The following NCOA7 variants were observed in gnomAD, a reference collection of about 807,000 sequenced individuals.
The protein encoded by NCOA7 is 140 kDa estrogen receptor-associated protein.
In NCOA7, 45 loss-of-function variants were observed where a neutral mutation model predicts 104.3. That is an observed-to-expected ratio of 0.43 (90% CI 0.34 to 0.55). The LOEUF (loss-of-function observed/expected upper bound fraction) is 0.55. Ranked by LOEUF, NCOA7 falls within the 20% of genes least tolerant of loss-of-function variation. The pLI, the probability that NCOA7 is intolerant of heterozygous loss-of-function variation, is 0.02. For missense variants in NCOA7, 1,041 were observed against 1,119.7 expected (o/e 0.93, Z 1.00); for synonymous variants, 398 against 402.3 (o/e 0.99, Z 0.13).
rs565896617 is a variant in NCOA7 at position 125,861,667 on chromosome 6, G to T, written c.271+6427G>T. Among the ~76,000 whole-genome samples, 16 of 152,246 alleles carry T rather than the reference G, an allele frequency of 1.1e-4. No homozygotes were observed. The East Asian group carries it at 2.9e-3, about 28-fold the overall frequency. On this transcript the variant is annotated intron_variant, in intron 3 of 15. Transcript: ENST00000392477. ...TCAAAGAAGTCAAATTAGTGTTTTC[G>T]TGACATACCTGGGTGGTGAGAGGAC...
intron 1 of NCOA7, among the ~76,000 whole-genome samples, chr6:125,799,843 C>T (rs928593778): frequency 3.9e-5 from 6 of 152,286 alleles, no homozygotes; most frequent in Middle Eastern, 3.4e-3. Context: ...ACAGGAAAAT[C>T]GGATGTTGTT....
intron 1 of NCOA7, among the ~76,000 whole-genome samples, chr6:125,810,792 G>A (rs73584350): frequency 0.095 from 14,373 of 152,078 alleles, 2,155 homozygotes; most frequent in African/African-American, 0.32. Flanking sequence ...ATCATGTTTA[G>A]GGAATACAAA....
At chr6:125,819,038 A>G (rs771130261) in intron 2 of NCOA7, among the ~76,000 whole-genome samples, 1 of 152,184 alleles carries the variant, frequency 6.6e-6, no homozygotes, top group Non-Finnish European at 1.5e-5. Context: ...GCCTGCTGCC[A>G]CAATTACATA....
chr6:125,902,030 C>A (rs1470710075), intron 10 of NCOA7, among the ~76,000 whole-genome samples: 1 of 152,112 alleles, frequency 6.6e-6, no homozygotes, highest in Admixed American at 6.6e-5. Context: ...CTCTGCTGAG[C>A]CACTCTGCTT....
At chr6:125,900,118 GCTC>G (rs1785371411) in intron 10 of NCOA7, 6 of 488,916 alleles carry the variant, frequency 1.2e-5, no homozygotes, top group South Asian at 7.4e-5. Flanking sequence ...TAATTATAGA[GCTC>G]CTTCTCTACC....
intron 3 of NCOA7, among the ~76,000 whole-genome samples, chr6:125,866,763 T>G (rs909112056): frequency 6.6e-6 from 1 of 152,164 alleles, no homozygotes; most frequent in Non-Finnish European, 1.5e-5. Context: ...CAAATTTCTG[T>G]TTTTTGGTGA....
chr6:125,796,218 A>G (rs946495868), intron 1 of NCOA7, among the ~76,000 whole-genome samples: 1 of 152,104 alleles, frequency 6.6e-6, no homozygotes, highest in Non-Finnish European at 1.5e-5. Flanking sequence ...TTTTGCTACT[A>G]GCAAAATTGA....
chr6:125,870,933 G>A (rs989152622), intron 3 of NCOA7, among the ~76,000 whole-genome samples: 3 of 152,150 alleles, frequency 2.0e-5, no homozygotes, highest in Non-Finnish European at 1.5e-5. Context: ...AAAGAAATGG[G>A]CTAGGCTGAA....
At chr6:125,834,236 TAGAGA>T (rs1779424787) in intron 2 of NCOA7, among the ~76,000 whole-genome samples, 1 of 152,194 alleles carries the variant, frequency 6.6e-6, no homozygotes, top group South Asian at 2.1e-4. Context: ...AAATCATCAC[TAGAGA>T]AAACTAAAGT....
chr6:125,798,524 A>G (rs767819275), intron 1 of NCOA7, among the ~76,000 whole-genome samples: 2 of 152,244 alleles, frequency 1.3e-5, no homozygotes, highest in Non-Finnish European at 2.9e-5. Context: ...ATTCAACAGT[A>G]GAGTCATTTT....
At chr6:125,810,892 C>T (rs949327839) in intron 1 of NCOA7, among the ~76,000 whole-genome samples, 3 of 152,182 alleles carry the variant, frequency 2.0e-5, no homozygotes, top group Non-Finnish European at 4.4e-5. Context: ...TGGTTGTAAT[C>T]AGACACAGCA....
intron 9 of NCOA7, among the ~76,000 whole-genome samples, 159 bp downstream of exon 9, chr6:125,890,140 C>A (rs544641071): frequency 6.6e-6 from 1 of 152,290 alleles, no homozygotes; most frequent in African/African-American, 2.4e-5. Flanking sequence ...AGAAAATTTA[C>A]AAGATATGGT....
chr6:125,890,044 C>T, intron 9 of NCOA7, 63 bp downstream of exon 9: 4 of 1,201,198 alleles, frequency 3.3e-6, no homozygotes, highest in Non-Finnish European at 4.5e-6. Context: ...ACAATTTGCA[C>T]ATGTAATACC....
chr6:125,882,840 G>A (rs1161271182), intron 7 of NCOA7, among the ~76,000 whole-genome samples: 2 of 152,114 alleles, frequency 1.3e-5, no homozygotes, highest in South Asian at 4.1e-4. Context: ...ACATATAACA[G>A]CAAACACTGG....
At chr6:125,788,714 T>G (rs1774591423), upstream of NCOA7, among the ~76,000 whole-genome samples, 2 of 149,438 alleles carry the variant, frequency 1.3e-5, no homozygotes, top group Non-Finnish European at 1.5e-5. Flanking sequence ...TTTTTTTTTT[T>G]TGTATTTTTA....
At chr6:125,794,006 AT>A (rs1775082674) in intron 1 of NCOA7, among the ~76,000 whole-genome samples, 1 of 152,192 alleles carries the variant, frequency 6.6e-6, no homozygotes, top group South Asian at 2.1e-4. Context: ...ACGTCAACCT[AT>A]TCCCTTCCAA....
In NCOA7 at chr6:125,885,155, G is replaced by T; in HGVS notation, c.700-4G>T. The T allele has an allele frequency of 6.2e-7, 1 of 1,613,686 alleles. No homozygotes were observed. Among genetic ancestry groups the T allele is most frequent in the Non-Finnish European group, 8.5e-7 (1 of 1,179,716 alleles). On this transcript the variant is annotated splice_region_variant and splice_polypyrimidine_tract_variant and intron_variant, in intron 7 of 15. Transcript: ENST00000392477. Reference sequence around the variant, plus strand: ...TGATTCTGTCCTGTTGCTTTCTCCTGCAGGGTGTGGTTGGCGGTGTTATGA... The same window carrying T: ...TGATTCTGTCCTGTTGCTTTCTCCTTCAGGGTGTGGTTGGCGGTGTTATGA...
intron 12 of NCOA7, 40 bp downstream of exon 12, chr6:125,921,108 C>T: frequency 1.9e-6 from 3 of 1,597,476 alleles, no homozygotes; most frequent in Non-Finnish European, 2.6e-6. Context: ...GGTTCCTAGG[C>T]TTTAAGAAAT....
intron 2 of NCOA7, among the ~76,000 whole-genome samples, chr6:125,822,533 C>T (rs563322637): frequency 1.4e-4 from 22 of 152,264 alleles, no homozygotes; most frequent in Middle Eastern, 3.4e-3. Context: ...GGCCTGAGCC[C>T]CAAATCCCTG....
Sources: allele counts gnomAD v4.1 joint callset (sites outside exome capture counted in the v4.1 genomes callset), GRCh38; gene constraint gnomAD v4.1.1; transcripts MANE v1.5; gene names NCBI Gene and HGNC (gene_info 2026-07-23, HGNC 2026-07-21).